The following AFF3 variants were observed in gnomAD, a reference collection of about 807,000 sequenced individuals.
AFF3 encodes AF4/FMR2 family member 3.
In AFF3, 32 loss-of-function variants were observed where a neutral mutation model predicts 129.7. The observed-to-expected ratio is 0.25, with a 90% CI of 0.19 to 0.33. AFF3 has a LOEUF of 0.33. Among genes scored for constraint, AFF3 ranks in the 10% least tolerant of loss-of-function variants. The probability of loss-of-function intolerance (pLI) is 1.00; values close to 1 mark genes in which losing one functional copy is unlikely to be tolerated. For missense variants in AFF3, 1,373 were observed against 1,592.0 expected, an observed-to-expected ratio of 0.86 and a Z score of 2.34; for synonymous variants, 644 against 635.4, an observed-to-expected ratio of 1.01 and a Z score of -0.20.
At chr2:99,761,318 G>A (rs915739172) in intron 8 of AFF3, among the ~76,000 whole-genome samples, 3 of 151,886 alleles carry the variant, frequency 2.0e-5, no homozygotes, top group African/African-American at 4.8e-5. Flanking sequence ...ACTGGCTAAC[G>A]TTTTCTCTAT....
At chr2:99,824,863 T>C (rs1687955805) in intron 8 of AFF3, among the ~76,000 whole-genome samples, 1 of 152,204 alleles carries the variant, frequency 6.6e-6, no homozygotes, top group Admixed American at 6.5e-5. Context: ...AATGGAGTTC[T>C]GGGCCAATGA....
chr2:99,821,057 C>G (rs10194527), intron 8 of AFF3, among the ~76,000 whole-genome samples: 133,491 of 151,712 alleles, frequency 0.88, 58,876 homozygotes, highest in African/African-American at 0.95. Flanking sequence ...ATTTTTAGTA[C>G]AGACGGCGTT....
At position 99,938,592 on chromosome 2, in the gene AFF3, G is replaced by A. The variant is rs537104230; in HGVS notation, c.873+68040C>T. Among the ~76,000 whole-genome samples, 16 of 152,290 alleles carry A rather than the reference G, an allele frequency of 1.1e-4. No individual in the cohort carries two copies. In the South Asian group the frequency reaches 3.1e-3, roughly 30 times the overall value. On this transcript the variant is annotated intron_variant, in intron 7 of 24. Transcript: ENST00000672756. ...TGACATCAAAATCAGTAGGCTTTGA[G>A]TAAAGCAGATTACTCTGTGTAATGT...
chr2:99,820,319 C>A (rs536651306), intron 8 of AFF3, among the ~76,000 whole-genome samples: 1 of 152,020 alleles, frequency 6.6e-6, no homozygotes, highest in African/African-American at 2.4e-5. Flanking sequence ...CTGCAACACA[C>A]GGGTAAGTAT....
rs187271650 is a variant in AFF3 at position 99,983,841 on chromosome 2, C to T, written c.873+22791G>A. Among the ~76,000 whole-genome samples, 25 of 151,642 alleles carry T rather than the reference C, an allele frequency of 1.6e-4. No homozygotes were observed. The East Asian group carries it at 4.8e-3, about 29-fold the overall frequency. ...GTTTTGCAATTGTACTACAGAGCTC[C>T]GAAAAGTGCCAGCAGAGCAGAAAAA... On this transcript the variant is annotated intron_variant, in intron 7 of 24. Coordinates refer to ENST00000672756, the MANE Select transcript of AFF3 (RefSeq NM_001386135.1).
intron 7 of AFF3, among the ~76,000 whole-genome samples, chr2:99,911,819 C>A (rs2106200247): frequency 6.6e-6 from 1 of 152,128 alleles, no homozygotes; most frequent in Middle Eastern, 3.4e-3. Context: ...TGTTGTTATG[C>A]CATAATGTGA....
Position 99,593,338 on chromosome 2 carries a change from G to A in AFF3, c.2323C>T (p.Leu775=), listed in dbSNP as rs199505111. 1.2e-4 allele frequency: 198 copies of A among 1,613,982 alleles called. No individual in the cohort carries two copies. Among genetic ancestry groups the A allele is most frequent in the Admixed American group, 4.8e-4 (29 of 60,000 alleles). Residue 775 remains leucine, a synonymous_variant, in exon 15 of 25, where the codon CTG becomes TTG. Transcript: ENST00000672756. ...GGCAGGTGTTCTGGGATCCTGGACA[G>A]GAGGGTCAGGTCGATTTTGACCCAG... The part of the protein sequence containing the change: ...SLWVKIDLTL[L]SRIPEHLPQE...
chr2:99,755,987 T>C (rs1278486833), intron 8 of AFF3, among the ~76,000 whole-genome samples: 1 of 152,234 alleles, frequency 6.6e-6, no homozygotes, highest in Non-Finnish European at 1.5e-5. Flanking sequence ...TCTGATTCTA[T>C]ACTTGGGCTC....
At position 99,734,628 on chromosome 2, in the gene AFF3, T is replaced by A. The variant is rs1455676977; in HGVS notation, c.1040-7500A>T. Among the ~76,000 whole-genome samples, 4 of 152,028 alleles carry A rather than the reference T, an allele frequency of 2.6e-5. No individual in the cohort carries two copies. In the South Asian group the frequency reaches 8.3e-4, roughly 32 times the overall value. ...GCTTTTTCTTAATTTATTGAAACAA[T>A]CCTATTTTTCTTTTAATATTTTAAT... On this transcript the variant is annotated intron_variant, in intron 10 of 24. Coordinates refer to ENST00000672756, the MANE Select transcript of AFF3 (RefSeq NM_001386135.1).
chr2:99,947,386 C>A (rs183076542), intron 7 of AFF3, among the ~76,000 whole-genome samples: 2 of 151,780 alleles, frequency 1.3e-5, no homozygotes, highest in African/African-American at 4.8e-5. Flanking sequence ...GAGGTTGCAG[C>A]GACCCAAGGT....
intron 8 of AFF3, among the ~76,000 whole-genome samples, chr2:99,782,333 A>G (rs1458489963): frequency 5.9e-5 from 9 of 152,236 alleles, no homozygotes; most frequent in Admixed American, 5.9e-4. Flanking sequence ...TTTTTAAGGT[A>G]CCAATTCTGC....
intron 7 of AFF3, among the ~76,000 whole-genome samples, chr2:99,995,013 C>T (rs1293847790): frequency 2.0e-5 from 3 of 151,946 alleles, no homozygotes; most frequent in African/African-American, 7.3e-5. Context: ...CAGATGACAC[C>T]AAATAAAAAT....
chr2:100,070,062 TAC>T (rs1217014202), intron 4 of AFF3, among the ~76,000 whole-genome samples: 1 of 152,222 alleles, frequency 6.6e-6, no homozygotes, highest in African/African-American at 2.4e-5. Flanking sequence ...AAGTTGCTTC[TAC>T]ACATTAGGGT....
chr2:99,886,164 G>T (rs1377387765), intron 7 of AFF3, among the ~76,000 whole-genome samples: 1 of 152,074 alleles, frequency 6.6e-6, no homozygotes, highest in Non-Finnish European at 1.5e-5. Context: ...ACCTAACACT[G>T]ATCACATTTT....
intron 9 of AFF3, among the ~76,000 whole-genome samples, chr2:99,745,361 G>A (rs1241611156): frequency 2.6e-5 from 4 of 152,130 alleles, no homozygotes; most frequent in Non-Finnish European, 5.9e-5. Flanking sequence ...ATGCACAAAA[G>A]TTCTAAATTT....
At chr2:99,804,356 C>T (rs1686180991) in intron 8 of AFF3, among the ~76,000 whole-genome samples, 1 of 152,138 alleles carries the variant, frequency 6.6e-6, no homozygotes, top group Non-Finnish European at 1.5e-5. Context: ...CAGTAATCAT[C>T]AGGGAAATGC....
chr2:99,615,139 T>A (rs1205251207), intron 13 of AFF3, among the ~76,000 whole-genome samples: 1 of 152,178 alleles, frequency 6.6e-6, no homozygotes, highest in African/African-American at 2.4e-5. Context: ...ATGGAAGTGT[T>A]CTTGGAGATC....
chr2:99,675,967 G>A (rs1266457564), intron 11 of AFF3, among the ~76,000 whole-genome samples: 1 of 150,836 alleles, frequency 6.6e-6, no homozygotes, highest in Non-Finnish European at 1.5e-5. Flanking sequence ...CTGGGGAGGG[G>A]TGGAGATCTC....
At chr2:99,630,329 T>C (rs957654157) in intron 13 of AFF3, among the ~76,000 whole-genome samples, 4 of 152,268 alleles carry the variant, frequency 2.6e-5, no homozygotes, top group African/African-American at 9.6e-5. Flanking sequence ...CAGTCTACAA[T>C]AGCTACTGAA....
Sources: gnomAD v4.1 joint callset for allele counts (sites outside exome capture counted in the v4.1 genomes callset) on GRCh38, gnomAD v4.1.1 for gene constraint, MANE v1.5 for transcripts, NCBI Gene and HGNC (gene_info 2026-07-23, HGNC 2026-07-21) for gene names.